SLIT3: variants seen among roughly 807,000 people sequenced by gnomAD.
The protein encoded by SLIT3 is slit homolog 3 protein.
A neutral mutation model predicts 184.0 loss-of-function variants in SLIT3; 68 were observed. The observed-to-expected ratio is 0.37, with a 90% CI of 0.30 to 0.45. The LOEUF (loss-of-function observed/expected upper bound fraction) is 0.45. Among genes scored for constraint, SLIT3 ranks in the 20% least tolerant of loss-of-function variants. The pLI is 1.00. For missense variants in SLIT3, 1,707 were observed against 2,026.0 expected (o/e 0.84, Z 3.02); for synonymous variants, 831 against 828.6 (o/e 1.00, Z -0.05).
chr5:168,810,000 C>A (rs76509981), intron 8 of SLIT3, among the ~76,000 whole-genome samples: 3,947 of 152,260 alleles, frequency 0.026, 200 homozygotes, highest in African/African-American at 0.09. Flanking sequence ...TTGTCCAAGT[C>A]ACCTGGGGCC....
intron 4 of SLIT3, among the ~76,000 whole-genome samples, chr5:168,885,902 T>C (rs890644791): frequency 6.6e-6 from 1 of 152,198 alleles, no homozygotes; most frequent in African/African-American, 2.4e-5. Flanking sequence ...GAGCGATATT[T>C]AAGCAGAAAA....
chr5:168,768,816 C>T (rs1464406160), intron 14 of SLIT3, among the ~76,000 whole-genome samples: 1 of 152,088 alleles, frequency 6.6e-6, no homozygotes, highest in Non-Finnish European at 1.5e-5. Context: ...CCTTTATATC[C>T]TTTGAGGTCA....
At chr5:169,019,510 C>T (rs1249515131) in intron 4 of SLIT3, among the ~76,000 whole-genome samples, 13 of 152,190 alleles carry the variant, frequency 8.5e-5, no homozygotes, top group Admixed American at 7.2e-4. Context: ...CCTAGGTCAG[C>T]GGCTTTGCAT....
At chr5:169,258,619 C>T (rs944443491) in intron 1 of SLIT3, among the ~76,000 whole-genome samples, 1 of 152,316 alleles carries the variant, frequency 6.6e-6, no homozygotes, top group East Asian at 1.9e-4. Flanking sequence ...GAATCATAAA[C>T]CAATGCTGCG....
At chr5:168,811,651 C>T (rs184588263) in intron 8 of SLIT3, among the ~76,000 whole-genome samples, 1 of 152,330 alleles carries the variant, frequency 6.6e-6, no homozygotes, top group East Asian at 1.9e-4. Context: ...TAAAAAACCT[C>T]ATCCACAACG....
chr5:168,971,466 A>G (rs1754573994), intron 4 of SLIT3, among the ~76,000 whole-genome samples: 1 of 152,184 alleles, frequency 6.6e-6, no homozygotes, highest in Non-Finnish European at 1.5e-5. Flanking sequence ...TGTACCTAGT[A>G]TAAACTGAAA....
At chr5:169,001,609 T>A (rs1016344838) in intron 4 of SLIT3, among the ~76,000 whole-genome samples, 1 of 152,116 alleles carries the variant, frequency 6.6e-6, no homozygotes, top group Admixed American at 6.5e-5. Flanking sequence ...AGGCCAAAGA[T>A]AAACCTCATA....
chr5:168,885,331 G>A (rs1479594156), intron 4 of SLIT3, among the ~76,000 whole-genome samples: 1 of 152,116 alleles, frequency 6.6e-6, no homozygotes, highest in Non-Finnish European at 1.5e-5. Flanking sequence ...CACAATGAGC[G>A]CTGTCTCAGG....
chr5:168,834,529 T>C (rs1409139876), intron 6 of SLIT3, among the ~76,000 whole-genome samples: 1 of 151,068 alleles, frequency 6.6e-6, no homozygotes, highest in Non-Finnish European at 1.5e-5. Flanking sequence ...CCGTCTCTAC[T>C]AAAAATACAA....
chr5:168,917,595 G>A (rs1380432259), intron 4 of SLIT3, among the ~76,000 whole-genome samples: 5 of 152,248 alleles, frequency 3.3e-5, no homozygotes, highest in African/African-American at 1.2e-4. Context: ...CCTTCCCCCT[G>A]CTTCTGGGGT....
chr5:169,104,642 T>TTC (rs1457285831), intron 4 of SLIT3, among the ~76,000 whole-genome samples: 1 of 152,168 alleles, frequency 6.6e-6, no homozygotes, highest in Non-Finnish European at 1.5e-5. Flanking sequence ...CCTTATCATC[T>TTC]TCTCCTGGTC....
At chr5:168,700,533 G>A in intron 27 of SLIT3, 49 bp downstream of exon 27, 2 of 1,277,444 alleles carry the variant, frequency 1.6e-6, no homozygotes, top group Non-Finnish European at 2.3e-6. Flanking sequence ...TTTATTAGCA[G>A]TGTGAGAGCA....
rs778698330 is a variant in SLIT3, at chr5:168,711,065, G to A, written c.2556-7C>T. On this transcript the variant is annotated splice_polypyrimidine_tract_variant and splice_region_variant and intron_variant, in intron 24 of 35. Coordinates refer to ENST00000519560, the MANE Select transcript of SLIT3 (RefSeq NM_003062.4). The stretch of plus-strand genomic sequence containing the variant: ...TGGGTTGGTTCCCAGCGCCCTAGGA[G>A]GCAGAACAGGAAGTCAGGGCCCCCT... 8 of 1,563,372 alleles carry A rather than the reference G, an allele frequency of 5.1e-6. No individual in the cohort carries two copies. The South Asian group carries it at 9.5e-5, about 19-fold the overall frequency.
At chr5:168,939,607 C>T (rs1280547910) in intron 4 of SLIT3, among the ~76,000 whole-genome samples, 1 of 152,204 alleles carries the variant, frequency 6.6e-6, no homozygotes, top group Non-Finnish European at 1.5e-5. Flanking sequence ...CCTTAAGCAC[C>T]TCGATGGGTC....
At chr5:169,164,058 T>A (rs1041781100) in intron 4 of SLIT3, among the ~76,000 whole-genome samples, 7 of 152,266 alleles carry the variant, frequency 4.6e-5, no homozygotes, top group Non-Finnish European at 8.8e-5. Context: ...ACCCCAGTGA[T>A]TTATGTTCTG....
chr5:168,909,940 C>A (rs1248051944), intron 4 of SLIT3, among the ~76,000 whole-genome samples: 2 of 152,202 alleles, frequency 1.3e-5, no homozygotes, highest in Non-Finnish European at 2.9e-5. Context: ...AGAAGCCCAC[C>A]TTCCTTTTTG....
chr5:168,976,228 T>A (rs1384697563), intron 4 of SLIT3, among the ~76,000 whole-genome samples: 2 of 152,174 alleles, frequency 1.3e-5, no homozygotes, highest in African/African-American at 4.8e-5. Context: ...GTTGTTCCAC[T>A]TGGGAGCTCC....
intron 7 of SLIT3, among the ~76,000 whole-genome samples, chr5:168,819,848 A>T (rs369048805): frequency 6.6e-6 from 1 of 151,950 alleles, no homozygotes; most frequent in Non-Finnish European, 1.5e-5. Flanking sequence ...CTTAATAGAA[A>T]TTTTTCTCCT....
chr5:169,195,970 C>A (rs1328205538), intron 3 of SLIT3, among the ~76,000 whole-genome samples: 1 of 152,176 alleles, frequency 6.6e-6, no homozygotes, highest in Non-Finnish European at 1.5e-5. Context: ...ATATTCACAT[C>A]ATTGAACAAC....
Sources: gnomAD v4.1 joint callset for allele counts (sites outside exome capture counted in the v4.1 genomes callset) on GRCh38, gnomAD v4.1.1 for gene constraint, MANE v1.5 for transcripts, NCBI Gene and HGNC (gene_info 2026-07-23, HGNC 2026-07-21) for gene names.